FBXO11: variants seen among roughly 807,000 people sequenced by gnomAD.
FBXO11 encodes F-box only protein 11.
In FBXO11, 13 loss-of-function variants were observed where a neutral mutation model predicts 117.0. That is an observed-to-expected ratio of 0.11 (90% confidence interval 0.07 to 0.18). FBXO11 has a LOEUF of 0.18. Among genes scored for constraint, FBXO11 ranks in the 10% least tolerant of loss-of-function variants. The probability of loss-of-function intolerance (pLI) is 1.00; values close to 1 mark genes in which losing one functional copy is unlikely to be tolerated. For synonymous variants in FBXO11, 490 were observed against 380.5 expected (o/e 1.29, Z -3.35); for missense variants, 767 against 1,164.4 (o/e 0.66, Z 4.97).
At chr2:47,887,248 G>A (rs147147581) in intron 1 of FBXO11, among the ~76,000 whole-genome samples, 4 of 145,926 alleles carry the variant, frequency 2.7e-5, no homozygotes, top group Non-Finnish European at 4.5e-5. Flanking sequence ...TTGTGCCATC[G>A]CACTCCAGCC....
At chr2:47,826,014 T>TAG (rs1466508264) in intron 11 of FBXO11, among the ~76,000 whole-genome samples, 1 of 152,148 alleles carries the variant, frequency 6.6e-6, no homozygotes, top group African/African-American at 2.4e-5. Flanking sequence ...TTGTTTTCTT[T>TAG]AGGTTTTGAT....
chr2:47,896,487 C>A (rs544611557), intron 1 of FBXO11, among the ~76,000 whole-genome samples: 1 of 152,180 alleles, frequency 6.6e-6, no homozygotes, highest in East Asian at 1.9e-4. Flanking sequence ...GGGCCACCAC[C>A]CCACAGCTAA....
In FBXO11 at chr2:47,809,677, G is replaced by A; in HGVS notation, c.2369C>T (p.Thr790Ile). Residue 790 changes from threonine to isoleucine, a missense_variant, in exon 20 of 23, where the codon ACA becomes ATA. Around this residue, in one of 10 missense-constraint regions of FBXO11, gnomAD observed 66 missense variants for 82.7 expected, o/e 0.80. Transcript: ENST00000403359. ...GIEITNHATA[T>I]LEGNQIFNNR... is the part of the protein sequence containing the mutation. ...GTTAAAAATCTGATTGCCTTCTAGT[G>A]TTGCAGTTGCGTGATTTGTAATTTC... is the stretch of plus-strand genomic sequence containing the variant. 1 of 1,613,450 alleles carries A rather than the reference G, an allele frequency of 6.2e-7. No homozygotes were observed. Among genetic ancestry groups the A allele is most frequent in the Non-Finnish European group, 8.5e-7 (1 of 1,179,752 alleles).
intron 1 of FBXO11, among the ~76,000 whole-genome samples, chr2:47,899,356 T>A (rs1359831789): frequency 1.3e-5 from 2 of 151,964 alleles, no homozygotes; most frequent in Non-Finnish European, 2.9e-5. Context: ...ACAGATTGAA[T>A]TTTATCTCTT....
At chr2:47,902,671 A>G (rs933122582) in intron 1 of FBXO11, among the ~76,000 whole-genome samples, 1 of 152,172 alleles carries the variant, frequency 6.6e-6, no homozygotes, top group Non-Finnish European at 1.5e-5. Context: ...TGAAGCAGCT[A>G]AAGACCATTC....
chr2:47,836,778 T>C (rs564370506), intron 4 of FBXO11, among the ~76,000 whole-genome samples: 1 of 152,312 alleles, frequency 6.6e-6, no homozygotes, highest in East Asian at 1.9e-4. Context: ...CTTAAAAAGA[T>C]AATTTTCTTT....
Position 47,809,166 on chromosome 2 carries a change from A to G in FBXO11, c.2547T>C (p.Asp849=). 4 of 1,567,972 alleles carry G rather than the reference A, an allele frequency of 2.6e-6. No homozygotes were observed. Among genetic ancestry groups the G allele is most frequent in the Non-Finnish European group, 3.5e-6 (4 of 1,149,198 alleles). ...ATATATTTCTAAGTTACCTGTAGAA[A>G]TCATGCATGGGATAGCTGGTATAAC... ...ISSYTSYPMH[D]FYRCHTCNTT... Residue 849 remains aspartate (D), a synonymous_variant, in exon 21 of 23, where the codon GAT becomes GAC. Transcript: ENST00000403359.
intron 1 of FBXO11, among the ~76,000 whole-genome samples, chr2:47,880,202 T>G (rs556319508): frequency 6.6e-6 from 1 of 152,160 alleles, no homozygotes; most frequent in Non-Finnish European, 1.5e-5. Flanking sequence ...TTTGTCATGC[T>G]GCCAGGCTGG....
intron 1 of FBXO11, among the ~76,000 whole-genome samples, chr2:47,879,913 G>A (rs943727161): frequency 6.6e-6 from 1 of 151,938 alleles, no homozygotes; most frequent in Admixed American, 6.6e-5. Flanking sequence ...TTCATCTACG[G>A]TTGTATCACA....
At chr2:47,878,830 A>C (rs1043649425) in intron 1 of FBXO11, among the ~76,000 whole-genome samples, 1 of 151,860 alleles carries the variant, frequency 6.6e-6, no homozygotes, top group Non-Finnish European at 1.5e-5. Context: ...AAAATACAGA[A>C]ATTAGCCTGG....
chr2:47,884,006 G>C (rs1460204987), intron 1 of FBXO11: 1 of 152,680 alleles, frequency 6.5e-6, no homozygotes, highest in African/African-American at 2.4e-5. Context: ...TGGATCACCT[G>C]AGGTCAGGAG....
At position 47,905,760 on chromosome 2, in the gene FBXO11, A is replaced by T. The variant is rs751466597; in HGVS notation, c.-40T>A. ...TGGCGGCGTTGGCGGAGGGACACAC[A>T]CACGCACACGCACAGCGAGCTTCGG... On this transcript the variant is annotated 5_prime_UTR_variant, in exon 1 of 23. Coordinates refer to ENST00000403359, the MANE Select transcript of FBXO11 (RefSeq NM_001190274.2). 7.8e-7 allele frequency: 1 copy of T among 1,279,722 alleles called. No homozygotes were observed. The highest frequency in any genetic ancestry group is 1.0e-6 in the Non-Finnish European group (1 of 986,570). The allele number at this position is 1,279,722 out of a possible 1,614,324, so 79.3% of individuals were successfully genotyped here. A position where few individuals can be genotyped will look rare whatever the true frequency, so the allele number is the denominator to read the frequency against.
In FBXO11 at chr2:47,905,625, C is replaced by CTGG. The variant is rs1678748384; in HGVS notation, c.95_96insCCA (p.Pro32_Pro33insGln). ...GCGGCTGCTGCTGGGGCGGCTGCGG[C>CTGG]GGCGGCTGCTGCGGGGGCTGCTGCT... is the stretch of plus-strand genomic sequence containing the variant. On this transcript the variant is annotated inframe_insertion, in exon 1 of 23. Coordinates refer to ENST00000403359, the MANE Select transcript of FBXO11 (RefSeq NM_001190274.2). 4.3e-6 allele frequency: 6 copies of CTGG among 1,382,810 alleles called. No individual in the cohort carries two copies. Among genetic ancestry groups the CTGG allele is most frequent in the African/African-American group, 3.0e-5 (2 of 66,522 alleles). 85.7% of individuals were successfully genotyped at this position (1,382,810 alleles called of 1,614,324 possible).
chr2:47,861,501 T>G (rs980330470), intron 1 of FBXO11, among the ~76,000 whole-genome samples: 26 of 152,186 alleles, frequency 1.7e-4, no homozygotes, highest in African/African-American at 6.0e-4. Flanking sequence ...AAAATTTTTT[T>G]TGGAGAGATG....
chr2:47,842,231 G>A (rs937901517), intron 1 of FBXO11, among the ~76,000 whole-genome samples: 9 of 151,598 alleles, frequency 5.9e-5, no homozygotes, highest in African/African-American at 2.2e-4. Context: ...GGCCAGGATG[G>A]TCTTCATCTC....
intron 1 of FBXO11, among the ~76,000 whole-genome samples, chr2:47,883,113 G>T (rs891869816): frequency 1.3e-5 from 2 of 152,196 alleles, no homozygotes; most frequent in African/African-American, 4.8e-5. Flanking sequence ...ATGGTGAAAT[G>T]CTGGGTCACA....
In FBXO11 at chr2:47,823,213, T is replaced by A. The variant is rs1671513550; in HGVS notation, c.1546A>T (p.Ile516Leu). 4.3e-6 allele frequency: 7 copies of A among 1,614,136 alleles called. No homozygotes were observed. Among genetic ancestry groups the A allele is most frequent in the Non-Finnish European group, 5.9e-6 (7 of 1,180,000 alleles). The stretch of plus-strand genomic sequence containing the variant: ...TTGTTTGCATAGATTTTATTCTCTA[T>A]GAATTGTCCTCTTCCTTTTTCATGG... ...YVHEKGRGQFIENKIYANNFA... is the reference protein window; with the variant it reads ...YVHEKGRGQFLENKIYANNFA... Residue 516 changes from isoleucine to leucine, a missense_variant, in exon 12 of 23, where the codon ATA becomes TTA. By Grantham distance (5) the Ile-to-Leu change is conservative (BLOSUM62 2). Transcript: ENST00000403359.
At chr2:47,832,305 C>A (rs202100981) in intron 11 of FBXO11, 44 bp downstream of exon 11, 1 of 1,505,130 alleles carries the variant, frequency 6.6e-7, no homozygotes. Context: ...TGGAATTTAA[C>A]TGATACAGAA....
intron 16 of FBXO11, 155 bp downstream of exon 16, chr2:47,818,624 A>T (rs1271589845): frequency 1.6e-6 from 1 of 631,618 alleles, no homozygotes; most frequent in East Asian, 2.7e-5. Flanking sequence ...GGAAAGCTAC[A>T]TTCTGACAAT....
Sources: gnomAD v4.1 joint callset for allele counts (sites outside exome capture counted in the v4.1 genomes callset) on GRCh38, gnomAD v4.1.1 for gene constraint, gnomAD v4.1.1 regional missense constraint, MANE v1.5 for transcripts, NCBI Gene and HGNC (gene_info 2026-07-23, HGNC 2026-07-21) for gene names.